The following MMP27 variants were observed in gnomAD, a reference collection of about 807,000 sequenced individuals.
MMP27 encodes matrix metalloproteinase-27.
MMP27 carries 51 observed loss-of-function variants against 48.1 expected under a neutral mutation model. That is an observed-to-expected ratio of 1.06 (90% CI 0.85 to 1.34). MMP27 has a LOEUF of 1.34. Among genes scored for constraint, MMP27 ranks in the 40% most tolerant of loss-of-function variants. The pLI is 0.00. For synonymous variants in MMP27, 229 were observed against 208.9 expected, an observed-to-expected ratio of 1.10 and a Z score of -0.83; for missense variants, 698 against 619.3, an observed-to-expected ratio of 1.13 and a Z score of -1.35.
intron 6 of MMP27, among the ~76,000 whole-genome samples, chr11:102,695,681 T>A (rs10895352): frequency 0.14 from 21,933 of 152,164 alleles, 2,004 homozygotes; most frequent in Non-Finnish European, 0.2. Context: ...TATTCATGGG[T>A]GAAAGGAGTC....
chr11:102,693,792 A>G lies in MMP27; in HGVS notation c.1193+114T>C, dbSNP rs1250444796. The G allele has an allele frequency of 1.7e-5, 16 of 945,914 alleles. No homozygotes were observed. The Admixed American group carries it at 3.5e-4, about 21-fold the overall frequency. 58.6% of individuals were successfully genotyped at this position (945,914 alleles called of 1,614,324 possible). Reference sequence around the variant, plus strand: ...AGAGCAAGACTCCATCTCAAAAAAAATAAAAAAATAAAAAATATTATGGAT... The same window carrying G: ...AGAGCAAGACTCCATCTCAAAAAAAGTAAAAAAATAAAAAATATTATGGAT... On this transcript the variant is annotated intron_variant, in intron 8 of 9. Coordinates refer to ENST00000260229, the MANE Select transcript of MMP27 (RefSeq NM_022122.3).
intron 8 of MMP27, among the ~76,000 whole-genome samples, 155 bp downstream of exon 8, chr11:102,693,751 C>T (rs183848481): frequency 6.6e-5 from 10 of 152,102 alleles, no homozygotes; most frequent in South Asian, 2.1e-4. Flanking sequence ...CAGCACTACA[C>T]TCTAGCCTGG....
chr11:102,693,119 T>A, intron 8 of MMP27, 78 bp from the exon 9 acceptor site: 1 of 1,073,108 alleles, frequency 9.3e-7, no homozygotes, highest in Non-Finnish European at 1.4e-6. Context: ...CAACTTAGAG[T>A]CAAGCAGGGA....
chr11:102,691,734 G>T lies in MMP27; in HGVS notation c.*32C>A. 1 of 1,493,432 alleles carries T rather than the reference G, an allele frequency of 6.7e-7. No homozygotes were observed. Among genetic ancestry groups the T allele is most frequent in the South Asian group, 1.3e-5 (1 of 74,420 alleles). 92.5% of individuals were successfully genotyped at this position (1,493,432 alleles called of 1,614,324 possible). ...TTTTGAAGCAGAATTTATATTAAAAGACCTGTTGAGGTTTATTTTAGGTCT... is the reference window on the plus strand; with the variant it reads ...TTTTGAAGCAGAATTTATATTAAAATACCTGTTGAGGTTTATTTTAGGTCT... On this transcript the variant is annotated 3_prime_UTR_variant, in exon 10 of 10. Transcript: ENST00000260229.
At position 102,696,799 on chromosome 11, in the gene MMP27, C is replaced by G. The variant is rs1860838073; in HGVS notation, c.656G>C (p.Gly219Ala). 5.0e-6 allele frequency: 8 copies of G among 1,611,764 alleles called. No homozygotes were observed. Among genetic ancestry groups the G allele is most frequent in the Admixed American group, 1.7e-5 (1 of 59,444 alleles). Residue 219 changes from glycine (G) to alanine (A), a missense_variant, in exon 5 of 10, where the codon GGT becomes GCT. Physicochemically the swap from Gly to Ala is moderately conservative, Grantham distance 60 (BLOSUM62 0). Coordinates refer to ENST00000260229, the MANE Select transcript of MMP27 (RefSeq NM_022122.3). ...GGAGTGAGAGAGCCCCAGTGCATGACCAAATTCATGAGCAGCCACAAGAAA... is the reference window on the plus strand; with the variant it reads ...GGAGTGAGAGAGCCCCAGTGCATGAGCAAATTCATGAGCAGCCACAAGAAA... ...NLFLVAAHEF[G>A]HALGLSHSND... is the part of the protein sequence containing the mutation.
At chr11:102,696,253 T>C (rs1292011180) in intron 6 of MMP27, 118 bp downstream of exon 6, 2 of 993,348 alleles carry the variant, frequency 2.0e-6, no homozygotes, top group African/African-American at 1.6e-5. Context: ...TAGGCAGTTA[T>C]AAAATGAAGA....
Position 102,691,668 on chromosome 11 carries a change from C to A in MMP27, c.*98G>T. 1.8e-6 allele frequency: 2 copies of A among 1,115,842 alleles called. No individual in the cohort carries two copies. The allele number at this position is 1,115,842 out of a possible 1,614,324, so 69.1% of individuals were successfully genotyped here. On this transcript the variant is annotated 3_prime_UTR_variant, in exon 10 of 10. Coordinates refer to ENST00000260229, the MANE Select transcript of MMP27 (RefSeq NM_022122.3). ...GGCCATTGAATTTGGATATTTAGAA[C>A]TAGGACCAGCAACTTGTTGTTAAAG...
At chr11:102,692,746 A>T (rs568554450) in intron 9 of MMP27, among the ~76,000 whole-genome samples, 192 bp downstream of exon 9, 2 of 152,222 alleles carry the variant, frequency 1.3e-5, no homozygotes, top group African/African-American at 4.8e-5. Context: ...TTGAGATAGT[A>T]TAACAGAGAG....
intron 8 of MMP27, among the ~76,000 whole-genome samples, 189 bp downstream of exon 8, chr11:102,693,717 C>T (rs757734728): frequency 4.6e-5 from 7 of 151,652 alleles, no homozygotes; most frequent in African/African-American, 1.2e-4. Context: ...AGCAGGAGGT[C>T]GAGGCTGCAG....
At chr11:102,694,176 A>C in intron 7 of MMP27, 111 bp from the exon 8 acceptor site, 1 of 680,110 alleles carries the variant, frequency 1.5e-6, no homozygotes, top group Non-Finnish European at 2.3e-6. Flanking sequence ...TTAGAGATTT[A>C]ATAATCTTAT....
chr11:102,703,100 C>G lies in MMP27; in HGVS notation c.360G>C (p.Pro120=). 4 of 1,613,172 alleles carry G rather than the reference C, an allele frequency of 2.5e-6. No homozygotes were observed. Among genetic ancestry groups the G allele is most frequent in the Non-Finnish European group, 3.4e-6 (4 of 1,179,764 alleles). The change falls in exon 3 of 10, where the codon CCG becomes CCC. Residue 120 remains proline (P), a synonymous_variant. Transcript: ENST00000260229. ...NLTYRIINYT[P]DMARAAVDEA... is the part of the protein sequence containing the mutation. ...CATCCACAGCAGCTCGTGCCATATC[C>G]GGAGTATAGTTTATTATTCTTAAAA...
At chr11:102,700,525 T>C (rs188902999) in intron 4 of MMP27, among the ~76,000 whole-genome samples, 1 of 152,312 alleles carries the variant, frequency 6.6e-6, no homozygotes, top group Admixed American at 6.5e-5. Flanking sequence ...GGTAATTTAT[T>C]TCACCCTCCT....
intron 2 of MMP27, 87 bp downstream of exon 2, chr11:102,704,446 CTCAG>C: frequency 1.0e-6 from 1 of 993,610 alleles, no homozygotes; most frequent in Admixed American, 2.0e-5. Context: ...ACAGGAAGTG[CTCAG>C]TCAATTGAAT....
In MMP27 at chr11:102,691,661, T is replaced by G; in HGVS notation, c.*105A>C. On this transcript the variant is annotated 3_prime_UTR_variant, in exon 10 of 10. Coordinates refer to ENST00000260229, the MANE Select transcript of MMP27 (RefSeq NM_022122.3). ...TCAAAATGGCCATTGAATTTGGATATTTAGAACTAGGACCAGCAACTTGTT... is the reference window on the plus strand; with the variant it reads ...TCAAAATGGCCATTGAATTTGGATAGTTAGAACTAGGACCAGCAACTTGTT... 1 of 1,059,838 alleles carries G rather than the reference T, an allele frequency of 9.4e-7. No individual in the cohort carries two copies. The highest frequency in any genetic ancestry group is 1.9e-5 in the South Asian group (1 of 51,996). 65.7% of individuals were successfully genotyped at this position (1,059,838 alleles called of 1,614,324 possible). A position where few individuals can be genotyped will look rare whatever the true frequency, so the allele number is the denominator to read the frequency against.
At chr11:102,701,006 C>T (rs901403185) in intron 4 of MMP27, among the ~76,000 whole-genome samples, 1 of 152,160 alleles carries the variant, frequency 6.6e-6, no homozygotes, top group African/African-American at 2.4e-5. Context: ...TGCTGAATTG[C>T]CTATTTTTTA....
In MMP27 at chr11:102,692,159, T is replaced by G. The variant is rs1860738128; in HGVS notation, c.1298-149A>C. On this transcript the variant is annotated intron_variant, in intron 9 of 9. Transcript: ENST00000260229. ...CATACATTTTAGTTTTCTACTGTCA[T>G]GTGGGAAATCCTATTATTTTTATTT... 15 of 676,318 alleles carry G rather than the reference T, an allele frequency of 2.2e-5. No individual in the cohort carries two copies. The South Asian group carries it at 3.8e-4, about 17-fold the overall frequency. The allele number at this position is 676,318 out of a possible 1,614,324, so 41.9% of individuals were successfully genotyped here. A position where few individuals can be genotyped will look rare whatever the true frequency, so the allele number is the denominator to read the frequency against.
chr11:102,695,239 AT>A, intron 6 of MMP27, 142 bp from the exon 7 acceptor site: 1 of 961,496 alleles, frequency 1.0e-6, no homozygotes, highest in Non-Finnish European at 1.5e-6. Context: ...TCCCCAGTAA[AT>A]TTAGGTGATT....
At chr11:102,704,839 C>A in intron 1 of MMP27, 64 bp from the exon 2 acceptor site, 1 of 1,087,318 alleles carries the variant, frequency 9.2e-7, no homozygotes, top group South Asian at 1.6e-5. Flanking sequence ...ATCTCCATCT[C>A]AGGATAAAGC....
intron 6 of MMP27, 142 bp from the exon 7 acceptor site, chr11:102,695,239 A>G: frequency 1.7e-5 from 16 of 961,496 alleles, no homozygotes; most frequent in Non-Finnish European, 2.3e-5. Context: ...TCCCCAGTAA[A>G]TTTAGGTGAT....
Sources: gnomAD v4.1 joint callset for allele counts (sites outside exome capture counted in the v4.1 genomes callset) on GRCh38, gnomAD v4.1.1 for gene constraint, MANE v1.5 for transcripts, NCBI Gene and HGNC (gene_info 2026-07-23, HGNC 2026-07-21) for gene names.